The following MCPH1 variants were observed in gnomAD, a reference collection of about 807,000 sequenced individuals.
MCPH1 encodes microcephalin 1, also known as microcephalin.
Under a neutral mutation model 84.5 loss-of-function variants are expected in MCPH1, and 104 were observed. The ratio of observed to expected loss-of-function variants is 1.23; its 90% confidence interval spans 1.05 to 1.45. The LOEUF (loss-of-function observed/expected upper bound fraction) is 1.45, where lower values mean the gene tolerates loss of function less well. Ranked by LOEUF, MCPH1 falls within the 40% of genes most tolerant of loss-of-function variation. MCPH1 has a pLI of 0.00. For missense variants in MCPH1, 1,498 were observed against 1,005.7 expected (o/e 1.49, Z -6.62); for synonymous variants, 514 against 366.8 (o/e 1.40, Z -4.58).
intron 3 of MCPH1, among the ~76,000 whole-genome samples, chr8:6,425,014 A>T (rs145362948): frequency 4.6e-5 from 7 of 152,366 alleles, no homozygotes; most frequent in African/African-American, 1.4e-4. Context: ...GGTGCTGGGC[A>T]GTTTGGCACA....
intron 2 of MCPH1, among the ~76,000 whole-genome samples, chr8:6,410,472 G>C (rs1051658740): frequency 4.6e-5 from 7 of 152,184 alleles, no homozygotes; most frequent in Admixed American, 4.6e-4. Context: ...AATGGAGATA[G>C]CAAACAATTT....
chr8:6,615,244 G>A (rs1308787101), intron 12 of MCPH1, among the ~76,000 whole-genome samples: 1 of 152,142 alleles, frequency 6.6e-6, no homozygotes, highest in African/African-American at 2.4e-5. Context: ...ACGACTCCAT[G>A]TCACATGCCA....
intron 12 of MCPH1, among the ~76,000 whole-genome samples, chr8:6,545,019 A>G (rs1563101333): frequency 6.6e-6 from 1 of 152,198 alleles, no homozygotes; most frequent in Admixed American, 6.5e-5. Flanking sequence ...AACAAATAAC[A>G]TAATAGATCG....
intron 13 of MCPH1, among the ~76,000 whole-genome samples, chr8:6,637,035 G>A (rs1417220367): frequency 6.6e-6 from 1 of 152,228 alleles, no homozygotes; most frequent in Non-Finnish European, 1.5e-5. Context: ...GAAAGAATAT[G>A]TTGAGAACTG....
At chr8:6,577,878 A>C (rs1432700019) in intron 12 of MCPH1, among the ~76,000 whole-genome samples, 7 of 152,190 alleles carry the variant, frequency 4.6e-5, no homozygotes, top group Non-Finnish European at 1.0e-4. Flanking sequence ...ATTAATCCAG[A>C]ATTTATGTCT....
At position 6,533,569 on chromosome 8, in the gene MCPH1, C is replaced by CTTT. The variant is rs56882906; in HGVS notation, c.2214+33661_2214+33663dup. ...ACTCCAGATACTTAGCGTTTAGTTTCTTTTTTTTTTTTTTTTTTTTTTTAA... is the reference window on the plus strand; with the variant it reads ...ACTCCAGATACTTAGCGTTTAGTTTCTTTTTTTTTTTTTTTTTTTTTTTTTTAA... On this transcript the variant is annotated intron_variant, in intron 12 of 13. Transcript: ENST00000344683. 3.4e-3 allele frequency among the ~76,000 whole-genome samples: 390 copies of CTTT among 113,278 alleles called. 9 individuals carry two copies. The highest frequency in any genetic ancestry group is 6.5e-3 in the East Asian group (24 of 3,672). 74.3% of individuals were successfully genotyped at this position (113,278 alleles called of 152,430 possible).
chr8:6,530,378 C>T (rs965838138), intron 12 of MCPH1, among the ~76,000 whole-genome samples: 1 of 151,924 alleles, frequency 6.6e-6, no homozygotes, highest in Admixed American at 6.6e-5. Flanking sequence ...GTGTGGTAGC[C>T]TGCACCTGTA....
At chr8:6,579,363 C>A (rs745457276) in intron 12 of MCPH1, among the ~76,000 whole-genome samples, 1 of 152,310 alleles carries the variant, frequency 6.6e-6, no homozygotes, top group Non-Finnish European at 1.5e-5. Flanking sequence ...CAGTTTAGAT[C>A]CATTCCCTTG....
At chr8:6,515,830 C>T (rs1247271479) in intron 12 of MCPH1, among the ~76,000 whole-genome samples, 11 of 152,140 alleles carry the variant, frequency 7.2e-5, no homozygotes, top group East Asian at 3.9e-4. Context: ...TAAGCTTCAA[C>T]GCACACTGTT....
At chr8:6,617,969 C>A (rs1006929302) in intron 12 of MCPH1, among the ~76,000 whole-genome samples, 5 of 126,146 alleles carry the variant, frequency 4.0e-5, no homozygotes, top group African/African-American at 1.5e-4. Context: ...ATGGGGTCTG[C>A]CTATGTTGCC....
chr8:6,471,798 C>T (rs757637402), intron 9 of MCPH1, among the ~76,000 whole-genome samples: 7 of 152,216 alleles, frequency 4.6e-5, no homozygotes, highest in Admixed American at 1.3e-4. Context: ...TTCTTCTCCA[C>T]GGGGCTCTAA....
intron 12 of MCPH1, among the ~76,000 whole-genome samples, chr8:6,544,903 C>G (rs543648303): frequency 6.6e-6 from 1 of 152,132 alleles, no homozygotes; most frequent in South Asian, 2.1e-4. Context: ...ATTCTTTGGT[C>G]AGTAGTCTCA....
chr8:6,459,383 C>G (rs1344730312), intron 9 of MCPH1, among the ~76,000 whole-genome samples: 4 of 152,168 alleles, frequency 2.6e-5, no homozygotes, highest in Non-Finnish European at 5.9e-5. Context: ...TCAAGCGATT[C>G]TGCTGCCTCA....
At position 6,647,069 on chromosome 8, in the gene MCPH1, G is replaced by C. The variant is rs1384057339; in HGVS notation, c.*4020G>C. 1.3e-5 allele frequency: 2 copies of C among 151,876 alleles called. No individual in the cohort carries two copies. The highest frequency in any genetic ancestry group is 2.9e-5 in the Non-Finnish European group (2 of 68,016). The allele number at this position is 151,876 out of a possible 1,614,324, so 9.4% of individuals were successfully genotyped here. On this transcript the variant is annotated 3_prime_UTR_variant, in exon 14 of 14. Coordinates refer to ENST00000344683, the MANE Select transcript of MCPH1 (RefSeq NM_024596.5). ...AAATCATATATCTGATAAAGGACTT[G>C]TACCCAGACCATGTAAAGAACTCAT... is the stretch of plus-strand genomic sequence containing the variant.
intron 3 of MCPH1, among the ~76,000 whole-genome samples, chr8:6,427,020 T>C (rs974598330): frequency 6.6e-6 from 1 of 152,218 alleles, no homozygotes; most frequent in Non-Finnish European, 1.5e-5. Context: ...CTGCATGACA[T>C]AGCTACTGCA....
At chr8:6,578,767 A>G (rs915993962) in intron 12 of MCPH1, among the ~76,000 whole-genome samples, 1 of 152,198 alleles carries the variant, frequency 6.6e-6, no homozygotes, top group African/African-American at 2.4e-5. Context: ...AAGACAAGGC[A>G]GATCAATGTA....
At chr8:6,445,606 A>G (rs1585817871) in intron 8 of MCPH1, 59 bp downstream of exon 8, 30 of 1,517,082 alleles carry the variant, frequency 2.0e-5, no homozygotes, top group Non-Finnish European at 2.6e-5. Context: ...CAGTGCATCC[A>G]TATTTTAAAT....
At chr8:6,411,230 C>G (rs1302306576) in intron 2 of MCPH1, among the ~76,000 whole-genome samples, 2 of 152,154 alleles carry the variant, frequency 1.3e-5, no homozygotes, top group Admixed American at 1.3e-4. Flanking sequence ...CGGGTGCTGC[C>G]CCAAGTTCCT....
chr8:6,446,239 C>T (rs947703413), intron 8 of MCPH1: 10 of 964,140 alleles, frequency 1.0e-5, no homozygotes, highest in African/African-American at 1.8e-5. Flanking sequence ...TTTTGCACTT[C>T]ACAGTTATAA....
Sources: allele counts gnomAD v4.1 joint callset (sites outside exome capture counted in the v4.1 genomes callset), GRCh38; gene constraint gnomAD v4.1.1; transcripts MANE v1.5; gene names NCBI Gene and HGNC (gene_info 2026-07-23, HGNC 2026-07-21).